The following FHIT variants were observed in gnomAD, a reference collection of about 807,000 sequenced individuals.
FHIT encodes bis(5'-adenosyl)-triphosphatase.
FHIT carries 19 observed loss-of-function variants against 17.9 expected under a neutral mutation model. The ratio of observed to expected loss-of-function variants is 1.06; its 90% CI spans 0.74 to 1.56. The LOEUF (loss-of-function observed/expected upper bound fraction) is 1.56, where lower values mean the gene tolerates loss of function less well. Among genes scored for constraint, FHIT ranks in the 40% most tolerant of loss-of-function variants. The probability of loss-of-function intolerance (pLI) is 0.00; values close to 1 mark genes in which losing one functional copy is unlikely to be tolerated. For missense variants in FHIT, 248 were observed against 189.2 expected (o/e 1.31, Z -1.82); for synonymous variants, 81 against 69.7 (o/e 1.16, Z -0.81).
chr3:59,824,690 G>GAGCC (rs1354466288), intron 8 of FHIT, among the ~76,000 whole-genome samples: 1 of 152,220 alleles, frequency 6.6e-6, no homozygotes, highest in Non-Finnish European at 1.5e-5. Context: ...AGGGAGAAGT[G>GAGCC]AGCCCCACCT....
chr3:60,216,732 A>C (rs1173527875), intron 5 of FHIT, among the ~76,000 whole-genome samples: 2 of 152,160 alleles, frequency 1.3e-5, no homozygotes, highest in Non-Finnish European at 2.9e-5. Context: ...TAAATGTCTT[A>C]GGCTATCACC....
intron 4 of FHIT, among the ~76,000 whole-genome samples, chr3:60,815,947 T>C (rs1185961896): frequency 6.6e-6 from 1 of 152,056 alleles, no homozygotes. Context: ...ATACATTTCA[T>C]CTCCTTGGTT....
chr3:60,275,487 C>A (rs9829333), intron 5 of FHIT, among the ~76,000 whole-genome samples: 1,828 of 152,284 alleles, frequency 0.012, 30 homozygotes, highest in African/African-American at 0.041. Flanking sequence ...CTTGTATATT[C>A]TTTTCCTATA....
chr3:60,261,163 A>G (rs1470010729), intron 5 of FHIT, among the ~76,000 whole-genome samples: 1 of 152,096 alleles, frequency 6.6e-6, no homozygotes, highest in Non-Finnish European at 1.5e-5. Context: ...GAATAAAAAA[A>G]GTACTTATCC....
intron 8 of FHIT, among the ~76,000 whole-genome samples, chr3:59,787,581 AC>A (rs1252662438): frequency 6.6e-6 from 1 of 152,118 alleles, no homozygotes; most frequent in Non-Finnish European, 1.5e-5. Flanking sequence ...TTCTTTTTCT[AC>A]AAAGGGAACA....
At chr3:60,881,987 C>G (rs900794279) in intron 3 of FHIT, among the ~76,000 whole-genome samples, 1 of 151,748 alleles carries the variant, frequency 6.6e-6, no homozygotes, top group African/African-American at 2.4e-5. Context: ...ACAAAATTAA[C>G]AAACCACGAG....
intron 5 of FHIT, among the ~76,000 whole-genome samples, chr3:60,524,197 GAC>G (rs56975783): frequency 0.032 from 4,654 of 144,734 alleles, 105 homozygotes; most frequent in African/African-American, 0.059. Flanking sequence ...GTCAGCCTGA[GAC>G]ACACACACAC....
chr3:59,973,867 A>G (rs539150940), intron 7 of FHIT, among the ~76,000 whole-genome samples: 81 of 152,094 alleles, frequency 5.3e-4, no homozygotes, highest in Non-Finnish European at 9.9e-4. Flanking sequence ...ATACAGGTAT[A>G]ATGTTTAAAA....
At chr3:60,016,696 T>C (rs1483765117) in intron 5 of FHIT, among the ~76,000 whole-genome samples, 1 of 152,212 alleles carries the variant, frequency 6.6e-6, no homozygotes, top group African/African-American at 2.4e-5. Flanking sequence ...CAGATCTAAT[T>C]CTGCCTCAGG....
chr3:60,318,818 A>G (rs1280201737), intron 5 of FHIT, among the ~76,000 whole-genome samples: 1 of 152,238 alleles, frequency 6.6e-6, no homozygotes, highest in Non-Finnish European at 1.5e-5. Flanking sequence ...GAAGTACAAA[A>G]TCAGTTTCAC....
At chr3:60,081,907 G>C (rs1350242534) in intron 5 of FHIT, among the ~76,000 whole-genome samples, 1 of 124,478 alleles carries the variant, frequency 8.0e-6, no homozygotes, top group Non-Finnish European at 1.7e-5. Flanking sequence ...CAAACGTTAA[G>C]TGATTTTTTT....
chr3:61,048,327 A>T (rs1207393039), intron 2 of FHIT, among the ~76,000 whole-genome samples: 13 of 152,256 alleles, frequency 8.5e-5, no homozygotes, highest in South Asian at 2.1e-4. Flanking sequence ...GGATATGAAC[A>T]GACAGTTCTC....
intron 2 of FHIT, among the ~76,000 whole-genome samples, chr3:61,150,414 T>TC (rs1238914622): frequency 2.0e-5 from 3 of 151,996 alleles, no homozygotes; most frequent in South Asian, 4.2e-4. Context: ...CAAGTGATCC[T>TC]CCCACCTCAG....
intron 8 of FHIT, among the ~76,000 whole-genome samples, chr3:59,888,536 C>T (rs1040214376): frequency 6.6e-6 from 1 of 152,186 alleles, no homozygotes; most frequent in Non-Finnish European, 1.5e-5. Flanking sequence ...GGTATATATT[C>T]TCTTCACTGT....
chr3:59,776,924 A>G (rs926629184), intron 8 of FHIT, among the ~76,000 whole-genome samples: 2 of 152,112 alleles, frequency 1.3e-5, no homozygotes, highest in African/African-American at 4.8e-5. Flanking sequence ...TCCGATTCTT[A>G]ACCTATAACT....
intron 7 of FHIT, among the ~76,000 whole-genome samples, chr3:59,981,057 T>C (rs1023528953): frequency 6.6e-6 from 1 of 152,084 alleles, no homozygotes; most frequent in African/African-American, 2.4e-5. Flanking sequence ...TTCACTATTA[T>C]AAACAACAAC....
At chr3:60,059,393 A>G (rs1026404486) in intron 5 of FHIT, among the ~76,000 whole-genome samples, 4 of 152,186 alleles carry the variant, frequency 2.6e-5, no homozygotes, top group African/African-American at 9.6e-5. Flanking sequence ...GGCCACACAC[A>G]TGTGGGTGGC....
rs372555884 is a variant in FHIT at position 60,591,207 on chromosome 3, C to A, written c.-17-54228G>T. ...CATTACAAATACATTTTCACCAACTCTGAAAAACCAAGTGGACATTTAACA... is the reference window on the plus strand; with the variant it reads ...CATTACAAATACATTTTCACCAACTATGAAAAACCAAGTGGACATTTAACA... On this transcript the variant is annotated intron_variant, in intron 4 of 9. Coordinates refer to ENST00000492590, the MANE Select transcript of FHIT (RefSeq NM_002012.4). 3.3e-5 allele frequency among the ~76,000 whole-genome samples: 5 copies of A among 152,194 alleles called. 1 individual carries two copies. The highest frequency in any genetic ancestry group is 1.2e-4 in the African/African-American group (5 of 41,556).
chr3:60,271,918 G>A (rs142558129), intron 5 of FHIT, among the ~76,000 whole-genome samples: 49 of 152,308 alleles, frequency 3.2e-4, no homozygotes, highest in African/African-American at 1.1e-3. Flanking sequence ...AACTCCAGGT[G>A]TAGTACCAAG....
Sources: gnomAD v4.1 joint callset for allele counts (sites outside exome capture counted in the v4.1 genomes callset) on GRCh38, gnomAD v4.1.1 for gene constraint, MANE v1.5 for transcripts, NCBI Gene and HGNC (gene_info 2026-07-23, HGNC 2026-07-21) for gene names.